ENTREP2: variants seen among roughly 807,000 people sequenced by gnomAD.
ENTREP2 encodes the protein endosomal transmembrane epsin interactor 2.
At chr15:29,643,636 G>C in the ENTREP2 span, among the ~76,000 whole-genome samples, 1 of 151,666 alleles carries the variant, frequency 6.6e-6, no homozygotes, top group African/African-American at 2.4e-5. Flanking sequence ...CAAAAAATTA[G>C]CCGGGCATGG....
the ENTREP2 span, among the ~76,000 whole-genome samples, chr15:29,476,661 C>T: frequency 6.6e-6 from 1 of 152,206 alleles, no homozygotes; most frequent in African/African-American, 2.4e-5. Flanking sequence ...AGACATTTCC[C>T]TCGACTGCAA....
chr15:29,232,700 G>C, the ENTREP2 span, among the ~76,000 whole-genome samples: 2 of 151,442 alleles, frequency 1.3e-5, no homozygotes, highest in Non-Finnish European at 2.9e-5. Context: ...TAAGAGACAG[G>C]GTCTCGCTAT....
At chr15:29,334,610 T>A in the ENTREP2 span, among the ~76,000 whole-genome samples, 9 of 150,840 alleles carry the variant, frequency 6.0e-5, no homozygotes, top group Admixed American at 5.9e-4. Flanking sequence ...ACTTTAAGGT[T>A]AACACTGAAA....
At chr15:29,243,094 A>C in the ENTREP2 span, among the ~76,000 whole-genome samples, 1 of 152,222 alleles carries the variant, frequency 6.6e-6, no homozygotes, top group Non-Finnish European at 1.5e-5. Flanking sequence ...AGTGGGAAGC[A>C]CGTGGCTGAG....
chr15:29,401,142 T>C, the ENTREP2 span, among the ~76,000 whole-genome samples: 659 of 152,306 alleles, frequency 4.3e-3, 5 homozygotes, highest in Admixed American at 0.018. Flanking sequence ...GGCTCGCTAC[T>C]GTCAAGCACT....
At chr15:29,274,053 CCTGA>C in the ENTREP2 span, among the ~76,000 whole-genome samples, 5 of 152,126 alleles carry the variant, frequency 3.3e-5, no homozygotes, top group African/African-American at 9.7e-5. Context: ...TCTAGAGAAC[CCTGA>C]CTAATACAGT....
At chr15:29,433,684 C>T in the ENTREP2 span, among the ~76,000 whole-genome samples, 1 of 152,032 alleles carries the variant, frequency 6.6e-6, no homozygotes, top group South Asian at 2.1e-4. Context: ...GTAGGGATTC[C>T]CAGTAGGGGA....
chr15:29,180,037 G>A, the ENTREP2 span, among the ~76,000 whole-genome samples: 2 of 152,102 alleles, frequency 1.3e-5, no homozygotes, highest in Non-Finnish European at 2.9e-5. Flanking sequence ...AGAGTCTACA[G>A]AGACGATCAT....
At chr15:29,477,047 T>C in the ENTREP2 span, among the ~76,000 whole-genome samples, 2 of 152,294 alleles carry the variant, frequency 1.3e-5, no homozygotes, top group South Asian at 4.1e-4. Flanking sequence ...GGTAGGTAAG[T>C]GCACTCATAC....
the ENTREP2 span, among the ~76,000 whole-genome samples, chr15:29,335,880 A>C: frequency 1.8e-4 from 27 of 152,088 alleles, no homozygotes; most frequent in Admixed American, 1.4e-3. Flanking sequence ...AGTGGCTCAC[A>C]CCTGTAATCC....
the ENTREP2 span, among the ~76,000 whole-genome samples, chr15:29,648,954 C>A: frequency 0.014 from 2,066 of 149,866 alleles, 53 homozygotes; most frequent in African/African-American, 0.045. Context: ...AAAACAACAA[C>A]AAAAAAAACT....
the ENTREP2 span, among the ~76,000 whole-genome samples, chr15:29,222,470 C>T: frequency 6.6e-6 from 1 of 152,156 alleles, no homozygotes; most frequent in East Asian, 1.9e-4. Context: ...GCCTCTAATT[C>T]TTTCTTGCGC....
At chr15:29,664,828 G>A in the ENTREP2 span, among the ~76,000 whole-genome samples, 55 of 152,262 alleles carry the variant, frequency 3.6e-4, no homozygotes, top group African/African-American at 1.3e-3. Flanking sequence ...CTGTTTCTGG[G>A]CAGGCACTGT....
the ENTREP2 span, among the ~76,000 whole-genome samples, chr15:29,402,265 T>TATATATATATATATATATAC: frequency 0.02 from 2,711 of 137,492 alleles, 71 homozygotes; most frequent in Middle Eastern, 0.03. Flanking sequence ...TATATATATA[T>TATATATATATATATATATAC]ACACACACAT....
chr15:29,446,628 T>C, the ENTREP2 span, among the ~76,000 whole-genome samples: 1 of 152,230 alleles, frequency 6.6e-6, no homozygotes, highest in African/African-American at 2.4e-5. Context: ...GTTTCACCTG[T>C]GCATTAGTTT....
At chr15:29,158,057 C>T in the ENTREP2 span, among the ~76,000 whole-genome samples, 1 of 152,186 alleles carries the variant, frequency 6.6e-6, no homozygotes, top group Non-Finnish European at 1.5e-5. Flanking sequence ...AAAATATAAG[C>T]AATACCTTTA....
chr15:29,163,288 C>T, the ENTREP2 span, among the ~76,000 whole-genome samples: 2 of 151,990 alleles, frequency 1.3e-5, no homozygotes, highest in Non-Finnish European at 2.9e-5. Flanking sequence ...ACTAGTTTAC[C>T]AGCAATGGAT....
At chr15:29,506,439 C>T in the ENTREP2 span, among the ~76,000 whole-genome samples, 1 of 151,958 alleles carries the variant, frequency 6.6e-6, no homozygotes, top group African/African-American at 2.4e-5. Flanking sequence ...GAAGAGCAAC[C>T]CCAAGACACA....
chr15:29,172,700 C>G, the ENTREP2 span, among the ~76,000 whole-genome samples: 1 of 152,118 alleles, frequency 6.6e-6, no homozygotes, highest in African/African-American at 2.4e-5. Flanking sequence ...GTGGAGCCAA[C>G]ATCTCTGCCT....
Sources: allele counts gnomAD v4.1 joint callset (sites outside exome capture counted in the v4.1 genomes callset), GRCh38; gene constraint gnomAD v4.1.1; transcripts MANE v1.5; gene names NCBI Gene and HGNC (gene_info 2026-07-23, HGNC 2026-07-21).